SEC16B: variants seen among roughly 807,000 people sequenced by gnomAD.
The protein encoded by SEC16B is SEC16 homolog B, endoplasmic reticulum export factor, also known as protein transport protein Sec16B.
SEC16B carries 115 observed loss-of-function variants against 141.8 expected under a neutral mutation model. That is an observed-to-expected ratio of 0.81 (90% CI 0.70 to 0.95). The LOEUF (loss-of-function observed/expected upper bound fraction) is 0.95. Among genes scored for constraint, SEC16B ranks in the 40% least tolerant of loss-of-function variants. SEC16B has a pLI of 0.00. For missense variants in SEC16B, 1,291 were observed against 1,312.3 expected (o/e 0.98, Z 0.25); for synonymous variants, 493 against 492.5 (o/e 1.00, Z -0.01).
At position 177,936,055 on chromosome 1, in the gene SEC16B, G is replaced by A. The variant is rs12068491; in HGVS notation, c.2571+243C>T. 5.1e-3 allele frequency among the ~76,000 whole-genome samples: 775 copies of A among 152,318 alleles called. 11 individuals carry two copies. Among genetic ancestry groups the A allele is most frequent in the African/African-American group, 0.017 (726 of 41,580 alleles). ...TAACAGAGATCTGAGAGGCCAAAACGAATCAGCTCAGTTGCTCCCTCTCTC... is the reference window on the plus strand; with the variant it reads ...TAACAGAGATCTGAGAGGCCAAAACAAATCAGCTCAGTTGCTCCCTCTCTC... On this transcript the variant is annotated intron_variant, in intron 20 of 25. Coordinates refer to ENST00000308284, the MANE Select transcript of SEC16B (RefSeq NM_033127.4).
At chr1:177,934,910 C>T (rs1255140590) in intron 20 of SEC16B, among the ~76,000 whole-genome samples, 3 of 152,110 alleles carry the variant, frequency 2.0e-5, no homozygotes, top group Non-Finnish European at 4.4e-5. Flanking sequence ...AGCTCCTTAC[C>T]ATGGTCGTGG....
intron 1 of SEC16B, among the ~76,000 whole-genome samples, chr1:177,980,021 G>T (rs1486816974): frequency 6.6e-6 from 1 of 152,168 alleles, no homozygotes; most frequent in East Asian, 1.9e-4. Context: ...TCATTACAAG[G>T]GAGATGGCTA....
At chr1:177,978,248 T>C (rs76640045) in intron 1 of SEC16B, among the ~76,000 whole-genome samples, 7,042 of 152,260 alleles carry the variant, frequency 0.046, 215 homozygotes, top group African/African-American at 0.06. Flanking sequence ...CATGAGATTG[T>C]TGTAGAATAA....
chr1:177,966,047 T>C (rs1190127413), intron 2 of SEC16B, 42 bp from the exon 3 acceptor site: 2 of 1,247,504 alleles, frequency 1.6e-6, no homozygotes, highest in African/African-American at 3.0e-5. Context: ...AGGACAAGGG[T>C]AGTAAAGAGA....
At chr1:177,968,347 G>T (rs1653720799) in intron 1 of SEC16B, among the ~76,000 whole-genome samples, 1 of 152,230 alleles carries the variant, frequency 6.6e-6, no homozygotes, top group Non-Finnish European at 1.5e-5. Flanking sequence ...AATCCCAGTT[G>T]ATGTTTCTTC....
chr1:177,940,779 G>T, intron 16 of SEC16B, 65 bp from the exon 17 acceptor site: 1 of 1,069,018 alleles, frequency 9.4e-7, no homozygotes, highest in East Asian at 2.5e-5. Context: ...AGAGGGAAGA[G>T]AAATGGAAAG....
intron 1 of SEC16B, among the ~76,000 whole-genome samples, chr1:177,981,283 G>C (rs1342088973): frequency 6.6e-6 from 1 of 152,024 alleles, no homozygotes; most frequent in Non-Finnish European, 1.5e-5. Context: ...CCCATCTCTT[G>C]CTCTATGAAT....
upstream of SEC16B, chr1:177,971,449 A>G (rs1324590668): frequency 1.3e-5 from 2 of 151,874 alleles, no homozygotes; most frequent in Non-Finnish European, 2.9e-5. Flanking sequence ...GTTGTTTTTA[A>G]TCCTTCTGGG....
intron 1 of SEC16B, among the ~76,000 whole-genome samples, chr1:177,983,139 T>A (rs1417696406): frequency 6.6e-6 from 1 of 152,196 alleles, no homozygotes; most frequent in Non-Finnish European, 1.5e-5. Flanking sequence ...GAGAAGCTGT[T>A]CAGCAAGGGG....
intron 15 of SEC16B, among the ~76,000 whole-genome samples, chr1:177,942,351 G>T (rs1651342940): frequency 6.6e-6 from 1 of 152,192 alleles, no homozygotes; most frequent in Non-Finnish European, 1.5e-5. Context: ...AGAGTCTGAT[G>T]TAGAGGCATA....
chr1:177,965,830 CT>C, intron 3 of SEC16B, 62 bp downstream of exon 3: 1 of 1,029,436 alleles, frequency 9.7e-7, no homozygotes, highest in Admixed American at 2.1e-5. Context: ...GGTCTCTCCC[CT>C]GCCTCTCAGA....
chr1:177,972,599 C>T (rs542790935), upstream of SEC16B, among the ~76,000 whole-genome samples: 3 of 152,314 alleles, frequency 2.0e-5, no homozygotes, highest in South Asian at 6.2e-4. Context: ...CCCAACTATG[C>T]ACCAGGATTG....
At position 177,954,237 on chromosome 1, in the gene SEC16B, C is replaced by T. The variant is rs754151344; in HGVS notation, c.1463+42G>A. ...TCATCCTCCACCTTTGGTGAGGAGG[C>T]CTCTCTGCCCCACTGGCCTCTTTTG... On this transcript the variant is annotated intron_variant, in intron 11 of 25. Coordinates refer to ENST00000308284, the MANE Select transcript of SEC16B (RefSeq NM_033127.4). The T allele has an allele frequency of 3.4e-6, 5 of 1,453,756 alleles. No individual in the cohort carries two copies. The East Asian group carries it at 9.9e-5, about 29-fold the overall frequency. 90.1% of individuals were successfully genotyped at this position (1,453,756 alleles called of 1,614,324 possible).
At chr1:177,932,895 G>A in intron 22 of SEC16B, 89 bp from the exon 23 acceptor site, 1 of 1,308,528 alleles carries the variant, frequency 7.6e-7, no homozygotes, top group Non-Finnish European at 1.1e-6. Context: ...ACTCACGATG[G>A]CGGCCTTGCC....
At chr1:177,952,024 C>A (rs765490088) in intron 11 of SEC16B, 29 bp from the exon 12 acceptor site, 1 of 1,569,534 alleles carries the variant, frequency 6.4e-7, no homozygotes, top group South Asian at 1.2e-5. Context: ...TCAGCGAGGA[C>A]CAAGCCCAGG....
chr1:177,961,711 G>A lies in SEC16B; in HGVS notation c.666C>T (p.Asn222=). ...KNKPSLASES[N]LLQQRESGLS... ...GACCAGACTCACGCTGCTGGAGAAG[G>A]TTGGACTCACTAGCCAATGATGGCT... The change falls in exon 6 of 26, where the codon AAC becomes AAT. Residue 222 remains asparagine, a synonymous_variant. Coordinates refer to ENST00000308284, the MANE Select transcript of SEC16B (RefSeq NM_033127.4). 1 of 1,613,876 alleles carries A rather than the reference G, an allele frequency of 6.2e-7. No homozygotes were observed. Among genetic ancestry groups the A allele is most frequent in the African/African-American group, 1.3e-5 (1 of 75,060 alleles).
chr1:177,937,637 T>C (rs1012554903), intron 18 of SEC16B, 124 bp from the exon 19 acceptor site: 7 of 755,680 alleles, frequency 9.3e-6, no homozygotes, highest in Admixed American at 3.2e-5. Context: ...AGCTGTCTAA[T>C]GCGGCTTCCA....
chr1:177,959,636 T>C (rs1005761367), intron 8 of SEC16B: 1 of 155,236 alleles, frequency 6.4e-6, no homozygotes. Context: ...ATACTTTCCA[T>C]GTGCATAATC....
chr1:177,965,994 T>C lies in SEC16B; in HGVS notation c.311A>G (p.Glu104Gly). Residue 104 changes from glutamate (E) to glycine (G), a missense_variant, in exon 3 of 26, where the codon GAG becomes GGG. This residue lies in a region of SEC16B where 681 missense variants were observed against 675.5 expected (regional missense o/e 1.01). Transcript: ENST00000308284. ...AGACTGATAGCTCTGATATGAATTCTCATAACCTGGCCTAAAATATCACAA... is the reference window on the plus strand; with the variant it reads ...AGACTGATAGCTCTGATATGAATTCCCATAACCTGGCCTAAAATATCACAA... The part of the protein sequence containing the change: ...RNQLYSRPGY[E>G]NSYQSYQSPT... 1 of 1,581,482 alleles carries C rather than the reference T, an allele frequency of 6.3e-7. No homozygotes were observed. Among genetic ancestry groups the C allele is most frequent in the Non-Finnish European group, 8.6e-7 (1 of 1,160,868 alleles).
Sources: gnomAD v4.1 joint callset for allele counts (sites outside exome capture counted in the v4.1 genomes callset) on GRCh38, gnomAD v4.1.1 for gene constraint, gnomAD v4.1.1 regional missense constraint, MANE v1.5 for transcripts, NCBI Gene and HGNC (gene_info 2026-07-23, HGNC 2026-07-21) for gene names.